Variants in NYAP2 observed in about 807,000 individuals in gnomAD.
The protein encoded by NYAP2 is neuronal tyrosine-phosphorylated phosphoinositide-3-kinase adapter 2.
NYAP2 carries 23 observed loss-of-function variants against 50.4 expected under a neutral mutation model. That is an observed-to-expected ratio of 0.46 (90% CI 0.33 to 0.65). The LOEUF (loss-of-function observed/expected upper bound fraction) is 0.65. NYAP2 is among the 30% of genes least tolerant of loss of function. The pLI, the probability that NYAP2 is intolerant of heterozygous loss-of-function variation, is 0.02. For missense variants in NYAP2, 885 were observed against 861.0 expected (o/e 1.03, Z -0.35); for synonymous variants, 394 against 365.2 (o/e 1.08, Z -0.90).
chr2:225,663,291 T>G, the NYAP2 span, among the ~76,000 whole-genome samples: 1 of 152,166 alleles, frequency 6.6e-6, no homozygotes, highest in Non-Finnish European at 1.5e-5. Context: ...CTCACCCATT[T>G]TCCCAGCTCC....
At chr2:225,491,027 G>C (rs1041203534) in intron 3 of NYAP2, among the ~76,000 whole-genome samples, 24 of 152,172 alleles carry the variant, frequency 1.6e-4, no homozygotes, top group African/African-American at 5.1e-4. Flanking sequence ...TGGAGACAGA[G>C]TGGAAACCAA....
intron 4 of NYAP2, among the ~76,000 whole-genome samples, chr2:225,545,771 A>G (rs1464653027): frequency 1.3e-5 from 2 of 151,734 alleles, no homozygotes; most frequent in African/African-American, 2.4e-5. Context: ...GTGTCTGGGG[A>G]TTGAAGAGTT....
intron 5 of NYAP2, among the ~76,000 whole-genome samples, chr2:225,613,756 A>G (rs1487332254): frequency 6.6e-6 from 1 of 152,168 alleles, no homozygotes; most frequent in Non-Finnish European, 1.5e-5. Context: ...GAAAAACATT[A>G]AAAACAAATC....
chr2:225,494,840 C>T (rs148979930), intron 3 of NYAP2, among the ~76,000 whole-genome samples: 16 of 152,224 alleles, frequency 1.1e-4, no homozygotes, highest in African/African-American at 3.9e-4. Flanking sequence ...GCATTTTCAC[C>T]TCCATTCTTG....
At chr2:225,518,495 T>C (rs1690975016) in intron 4 of NYAP2, among the ~76,000 whole-genome samples, 1 of 118,826 alleles carries the variant, frequency 8.4e-6, no homozygotes, top group Admixed American at 9.7e-5. Flanking sequence ...TGAGTTCTCA[T>C]TACAAAAAAA....
intron 6 of NYAP2, among the ~76,000 whole-genome samples, chr2:225,634,631 TA>T (rs1316951150): frequency 5.3e-5 from 8 of 152,228 alleles, no homozygotes; most frequent in African/African-American, 1.9e-4. Context: ...GCATAAGGTA[TA>T]ATGCAGTGGT....
rs148043174 is a variant in NYAP2, at chr2:225,444,150, A to T, written c.221+35049A>T. Among the ~76,000 whole-genome samples, 426 of 152,358 alleles carry T rather than the reference A, an allele frequency of 2.8e-3. 3 individuals carry two copies. Among genetic ancestry groups the T allele is most frequent in the African/African-American group, 9.6e-3 (398 of 41,586 alleles). On this transcript the variant is annotated intron_variant, in intron 3 of 6. Transcript: ENST00000636099. ...ACTGTATAAATTTAAATGGCAGACA[A>T]CAACTAAGAAAGAATTACCATACAA...
At chr2:225,569,440 G>T (rs910354248) in intron 4 of NYAP2, among the ~76,000 whole-genome samples, 6 of 144,638 alleles carry the variant, frequency 4.1e-5, no homozygotes, top group Non-Finnish European at 2.9e-5. Context: ...GAGGAGTGAG[G>T]GGGGGAGGTG....
chr2:225,572,230 C>T (rs1692086098), intron 4 of NYAP2, among the ~76,000 whole-genome samples: 1 of 152,216 alleles, frequency 6.6e-6, no homozygotes, highest in Non-Finnish European at 1.5e-5. Flanking sequence ...TTACCCAGTT[C>T]CAAAGTGACT....
At chr2:225,460,174 C>T (rs1000031303) in intron 3 of NYAP2, among the ~76,000 whole-genome samples, 4 of 152,026 alleles carry the variant, frequency 2.6e-5, no homozygotes, top group African/African-American at 9.7e-5. Flanking sequence ...ATCTATCACC[C>T]ATAATATTAG....
chr2:225,671,718 C>A, the NYAP2 span, among the ~76,000 whole-genome samples: 1 of 152,076 alleles, frequency 6.6e-6, no homozygotes, highest in African/African-American at 2.4e-5. Flanking sequence ...TCTGTGGCAG[C>A]TATAGCCTTA....
the NYAP2 span, among the ~76,000 whole-genome samples, chr2:225,675,466 G>T: frequency 1.3e-5 from 2 of 152,098 alleles, no homozygotes; most frequent in South Asian, 4.1e-4. Flanking sequence ...TTGCTGCAAA[G>T]GACATAATTT....
At chr2:225,649,195 C>T (rs547660823) in intron 6 of NYAP2, among the ~76,000 whole-genome samples, 8 of 152,254 alleles carry the variant, frequency 5.3e-5, no homozygotes, top group African/African-American at 1.9e-4. Flanking sequence ...GCATGTAATT[C>T]AGTTTATCTG....
At chr2:225,676,569 A>C in the NYAP2 span, among the ~76,000 whole-genome samples, 1 of 152,226 alleles carries the variant, frequency 6.6e-6, no homozygotes, top group Non-Finnish European at 1.5e-5. Context: ...TTCATCTTAC[A>C]TGGATGGCAG....
At chr2:225,524,338 C>T (rs985004118) in intron 4 of NYAP2, among the ~76,000 whole-genome samples, 1 of 152,150 alleles carries the variant, frequency 6.6e-6, no homozygotes, top group Non-Finnish European at 1.5e-5. Context: ...GGTTGGAAGA[C>T]TCAGCAAGTC....
At chr2:225,628,315 G>A (rs1693246368) in intron 6 of NYAP2, among the ~76,000 whole-genome samples, 2 of 109,418 alleles carry the variant, frequency 1.8e-5, no homozygotes, top group South Asian at 6.6e-4. Context: ...AGAACACATA[G>A]TTTTTTTTTT....
At chr2:225,563,088 T>C (rs910532065) in intron 4 of NYAP2, among the ~76,000 whole-genome samples, 23 of 152,138 alleles carry the variant, frequency 1.5e-4, no homozygotes, top group African/African-American at 5.5e-4. Flanking sequence ...AAGATTCTAA[T>C]TTTATTATCA....
In NYAP2 at chr2:225,497,778, A is replaced by ATG. The variant is rs1186981295; in HGVS notation, c.222-15582_222-15581dup. ...CTGGAAACAATGTACATGTACATGC[A>ATG]TGTGTGTGTGTGATCTATAGTGTCT... On this transcript the variant is annotated intron_variant, in intron 3 of 6. Coordinates refer to ENST00000636099, the Ensembl canonical transcript of NYAP2. Among the ~76,000 whole-genome samples the ATG allele has an allele frequency of 6.6e-5, 10 of 152,054 alleles. No individual in the cohort carries two copies. In the East Asian group the frequency reaches 1.9e-3, roughly 29 times the overall value.
chr2:225,494,386 A>G (rs1177301465), intron 3 of NYAP2, among the ~76,000 whole-genome samples: 1 of 152,250 alleles, frequency 6.6e-6, no homozygotes, highest in African/African-American at 2.4e-5. Context: ...TAAGGCAAGA[A>G]TGAATCAGTT....
Sources: allele counts gnomAD v4.1 joint callset (sites outside exome capture counted in the v4.1 genomes callset), GRCh38; gene constraint gnomAD v4.1.1; transcripts MANE v1.5; gene names NCBI Gene and HGNC (gene_info 2026-07-23, HGNC 2026-07-21).